PLOD1: variants seen among roughly 807,000 people sequenced by gnomAD.
PLOD1 encodes lysine hydroxylase.
A neutral mutation model predicts 94.7 loss-of-function variants in PLOD1; 70 were observed. That is an observed-to-expected ratio of 0.74 (90% CI 0.61 to 0.90). The LOEUF is 0.90. PLOD1 is among the 40% of genes least tolerant of loss of function. PLOD1 has a pLI of 0.00. For synonymous variants in PLOD1, 417 were observed against 400.2 expected, an observed-to-expected ratio of 1.04 and a Z score of -0.50; for missense variants, 905 against 972.7, an observed-to-expected ratio of 0.93 and a Z score of 0.93.
Position 11,971,176 on chromosome 1 carries a change from C to G in PLOD1, c.1902+360C>G, listed in dbSNP as rs192554136. On this transcript the variant is annotated intron_variant, in intron 17 of 18. Coordinates refer to ENST00000196061, the MANE Select transcript of PLOD1 (RefSeq NM_000302.4). ...AAGGGGCAGGAGTTGGTGGGGAGGT[C>G]GAGGCCAGTGTGGGGCAGGGGGATG... 3.9e-3 allele frequency among the ~76,000 whole-genome samples: 364 copies of G among 93,748 alleles called. 5 individuals are homozygous for G. In the East Asian group the frequency reaches 0.045, roughly 12 times the overall value. 61.5% of individuals were successfully genotyped at this position (93,748 alleles called of 152,430 possible). A position where few individuals can be genotyped will look rare whatever the true frequency, so the allele number is the denominator to read the frequency against.
Position 11,957,702 on chromosome 1 carries a change from G to C in PLOD1, c.742-140G>C, listed in dbSNP as rs1014150081. On this transcript the variant is annotated intron_variant, in intron 7 of 18. Coordinates refer to ENST00000196061, the MANE Select transcript of PLOD1 (RefSeq NM_000302.4). This position sits in a 1 kb window ranked among gnomAD's most constrained non-coding sequence, Gnocchi z 4.1. ...GCGGCTTGGTGATCTCCTGGGGATG[G>C]AGCATTATCTCCAAGACCCTCTTAG... The C allele has an allele frequency of 3.9e-6, 3 of 766,542 alleles. No individual in the cohort carries two copies. Among genetic ancestry groups the C allele is most frequent in the Non-Finnish European group, 4.8e-6 (2 of 416,416 alleles). 47.5% of individuals were successfully genotyped at this position (766,542 alleles called of 1,614,324 possible).
chr1:11,938,760 C>T (rs1455450004), intron 1 of PLOD1, among the ~76,000 whole-genome samples: 1 of 152,080 alleles, frequency 6.6e-6, no homozygotes, highest in Non-Finnish European at 1.5e-5. Flanking sequence ...ACCCAAAACG[C>T]ATGGCCTTGG....
Position 11,975,280 on chromosome 1 carries a change from A to C in PLOD1, c.*472A>C, listed in dbSNP as rs1483715018. ...GGTAAAGACACCTGGATCAGACTCCAAGGGCTGCCCTGAGTCTGGGACTTC... is the reference window on the plus strand; with the variant it reads ...GGTAAAGACACCTGGATCAGACTCCCAGGGCTGCCCTGAGTCTGGGACTTC... On this transcript the variant is annotated 3_prime_UTR_variant, in exon 19 of 19. Transcript: ENST00000196061. The C allele has an allele frequency of 3.8e-6, 1 of 262,292 alleles. No homozygotes were observed. Among genetic ancestry groups the C allele is most frequent in the East Asian group, 9.2e-5 (1 of 10,884 alleles). The allele number at this position is 262,292 out of a possible 1,614,324, so 16.2% of individuals were successfully genotyped here.
Position 11,964,695 on chromosome 1 carries a change from T to C in PLOD1, c.1380T>C (p.Ser460=), listed in dbSNP as rs751492695. 2.5e-6 allele frequency: 4 copies of C among 1,613,330 alleles called. No individual in the cohort carries two copies. The change falls in exon 13 of 19, where the codon AGT becomes AGC. Residue 460 remains serine (S), a synonymous_variant. Transcript: ENST00000196061. ...CAAACATCTACTTGATCAAGGGCAG[T>C]GCCCTGCGGGGTGAGCTGCAGTCCT... ...YISNIYLIKG[S]ALRGELQSSD... is the part of the protein sequence containing the mutation.
chr1:11,970,256 C>A (rs1178620928), intron 16 of PLOD1, among the ~76,000 whole-genome samples: 1 of 151,828 alleles, frequency 6.6e-6, no homozygotes, highest in African/African-American at 2.4e-5. Context: ...GTCACACACA[C>A]ACAAAAATAA....
At chr1:11,966,772 C>G (rs887893663) in intron 15 of PLOD1, among the ~76,000 whole-genome samples, 4 of 152,174 alleles carry the variant, frequency 2.6e-5, no homozygotes, top group Non-Finnish European at 5.9e-5. Flanking sequence ...ATGTTTCTGT[C>G]TGACCTTGGC....
chr1:11,974,858 G>A lies in PLOD1; in HGVS notation c.*50G>A. On this transcript the variant is annotated 3_prime_UTR_variant, in exon 19 of 19. Coordinates refer to ENST00000196061, the MANE Select transcript of PLOD1 (RefSeq NM_000302.4). ...CCTTTCTTCTTTGCCGACAACCACT[G>A]CCCAGCAGCCTCTGGGACCTCGGGG... The A allele has an allele frequency of 6.3e-7, 1 of 1,596,096 alleles. No individual in the cohort carries two copies. The highest frequency in any genetic ancestry group is 2.2e-5 in the East Asian group (1 of 44,792).
intron 5 of PLOD1, 114 bp from the exon 6 acceptor site, chr1:11,954,716 G>A (rs899265667): frequency 2.8e-5 from 24 of 843,616 alleles, no homozygotes; most frequent in Non-Finnish European, 4.4e-5. Flanking sequence ...TGGCAGAGTC[G>A]GTGTGGGGAA....
chr1:11,959,283 A>G (rs1645761556), intron 9 of PLOD1, among the ~76,000 whole-genome samples: 1 of 152,162 alleles, frequency 6.6e-6, no homozygotes, highest in Non-Finnish European at 1.5e-5. Context: ...GAATTGCTGC[A>G]AGGGCTAAGC....
intron 17 of PLOD1, 31 bp downstream of exon 17, chr1:11,970,847 G>A (rs768406748): frequency 3.8e-6 from 6 of 1,599,536 alleles, no homozygotes; most frequent in Non-Finnish European, 5.1e-6. Flanking sequence ...GCCAGGATGC[G>A]GGGACAGTTG....
intron 1 of PLOD1, among the ~76,000 whole-genome samples, chr1:11,937,399 G>C (rs1177043004): frequency 6.6e-6 from 1 of 152,202 alleles, no homozygotes; most frequent in Non-Finnish European, 1.5e-5. Context: ...TCCCAGGGCT[G>C]CTGGCTTACA....
At chr1:11,949,230 G>A (rs949125217) in intron 2 of PLOD1, among the ~76,000 whole-genome samples, 3 of 152,080 alleles carry the variant, frequency 2.0e-5, no homozygotes, top group Non-Finnish European at 4.4e-5. Context: ...CAGGGAAGGC[G>A]CTGATAGGCC....
At chr1:11,973,747 ATTT>A (rs1339026866) in intron 18 of PLOD1, among the ~76,000 whole-genome samples, 1 of 151,460 alleles carries the variant, frequency 6.6e-6, no homozygotes, top group Non-Finnish European at 1.5e-5. Context: ...TGGCCAGCTA[ATTT>A]TTTTTCTTGC....
At chr1:11,940,455 T>C (rs1028619433) in intron 1 of PLOD1, among the ~76,000 whole-genome samples, 11 of 152,230 alleles carry the variant, frequency 7.2e-5, no homozygotes, top group Non-Finnish European at 1.5e-4. Context: ...AGGCAGGCAC[T>C]GTGCCAAGCG....
At chr1:11,959,002 C>T (rs755485153) in intron 9 of PLOD1, among the ~76,000 whole-genome samples, 7 of 152,156 alleles carry the variant, frequency 4.6e-5, no homozygotes, top group Middle Eastern at 6.8e-3. Flanking sequence ...GTCGGGAGTT[C>T]GAGACTAGCC....
At chr1:11,937,991 C>T (rs1042192868) in intron 1 of PLOD1, among the ~76,000 whole-genome samples, 2 of 142,352 alleles carry the variant, frequency 1.4e-5, no homozygotes, top group Non-Finnish European at 1.5e-5. Flanking sequence ...CTCGCTTTGT[C>T]GCCCAGGCTG....
chr1:11,965,377 G>A, intron 13 of PLOD1, 103 bp from the exon 14 acceptor site: 1 of 732,938 alleles, frequency 1.4e-6, no homozygotes, highest in Non-Finnish European at 2.4e-6. Flanking sequence ...AGTTCGGCGG[G>A]TGGAGGAGGC....
At chr1:11,955,892 C>T (rs1401391239) in intron 6 of PLOD1, among the ~76,000 whole-genome samples, 6 of 152,058 alleles carry the variant, frequency 3.9e-5, no homozygotes, top group African/African-American at 1.4e-4. Flanking sequence ...TCCCAAAGTG[C>T]TGAGATTACA....
chr1:11,967,700 A>G (rs1438647388), intron 16 of PLOD1, among the ~76,000 whole-genome samples: 5 of 137,706 alleles, frequency 3.6e-5, no homozygotes, highest in Admixed American at 7.2e-5. Context: ...TGTGTTGCCC[A>G]GGCTGGTTGT....
Sources: allele counts gnomAD v4.1 joint callset (sites outside exome capture counted in the v4.1 genomes callset), GRCh38; gene constraint gnomAD v4.1.1; non-coding constraint Gnocchi (gnomAD v3.1); transcripts MANE v1.5; gene names NCBI Gene and HGNC (gene_info 2026-07-23, HGNC 2026-07-21).